The following RCN2 variants were observed in gnomAD, a reference collection of about 807,000 sequenced individuals.
RCN2 encodes reticulocalbin 2, also known as reticulocalbin-2.
RCN2 carries 23 observed loss-of-function variants against 37.5 expected under a neutral mutation model. The ratio of observed to expected loss-of-function variants is 0.61; its 90% CI spans 0.44 to 0.87. RCN2 has a LOEUF of 0.87. RCN2 is among the 40% of genes least tolerant of loss of function. The pLI is 0.00. For synonymous variants in RCN2, 140 were observed against 144.6 expected (o/e 0.97, Z 0.23); for missense variants, 381 against 390.4 (o/e 0.98, Z 0.20).
At chr15:76,941,854 G>GAA (rs2152650798) in intron 3 of RCN2, 1 of 432,788 alleles carries the variant, frequency 2.3e-6, no homozygotes, top group Non-Finnish European at 4.1e-6. Context: ...CCTGAAACAT[G>GAA]GACCTTTTTG....
rs2075331064 is a variant in RCN2 at position 76,953,554 on chromosome 15, TC to T, written c.*4333del. On this transcript the variant is annotated 3_prime_UTR_variant, in exon 7 of 7. Coordinates refer to ENST00000394885, the MANE Select transcript of RCN2 (RefSeq NM_002902.3). Reference sequence around the variant, plus strand: ...TGGGATTGCTGGATCATATAGTAATTCTATATATATATATATATATATATAT... The same window carrying T: ...TGGGATTGCTGGATCATATAGTAATTTATATATATATATATATATATATAT... 1.7e-5 allele frequency: 1 copy of T among 60,560 alleles called. No homozygotes were observed. Among genetic ancestry groups the T allele is most frequent in the Non-Finnish European group, 3.0e-5 (1 of 33,064 alleles). 3.8% of individuals were successfully genotyped at this position (60,560 alleles called of 1,614,324 possible). A position where few individuals can be genotyped will look rare whatever the true frequency, so the allele number is the denominator to read the frequency against.
intron 3 of RCN2, chr15:76,938,650 A>C (rs2075263342): frequency 2.3e-6 from 1 of 434,138 alleles, no homozygotes; most frequent in African/African-American, 2.0e-5. Flanking sequence ...CTATTTATTT[A>C]GAATCATATT....
In RCN2 at chr15:76,932,390, C is replaced by A; in HGVS notation, c.174C>A (p.Gly58=). The A allele has an allele frequency of 6.2e-7, 1 of 1,613,732 alleles. No homozygotes were observed. Among genetic ancestry groups the A allele is most frequent in the Non-Finnish European group, 8.5e-7 (1 of 1,179,752 alleles). ...ATGTGGATGAATATGTTAAACTCGGCCACGAAGAGCAGCAAAAAAGACTGC... is the reference window on the plus strand; with the variant it reads ...ATGTGGATGAATATGTTAAACTCGGACACGAAGAGCAGCAAAAAAGACTGC... ...QEDVDEYVKL[G]HEEQQKRLQA... Residue 58 remains glycine (G), a synonymous_variant, in exon 2 of 7, where the codon GGC becomes GGA. Transcript: ENST00000394885.
intron 4 of RCN2, among the ~76,000 whole-genome samples, chr15:76,946,798 C>G (rs893507649): frequency 2.6e-5 from 4 of 151,954 alleles, no homozygotes; most frequent in Admixed American, 6.6e-5. Context: ...ACTGAAACAG[C>G]TGGCCATTGA....
In RCN2 at chr15:76,948,480, C is replaced by T. The variant is rs144470086; in HGVS notation, c.729C>T (p.Asn243=). ...DRFVNDYDKD[N]DGRLDPQELL... ...TCGTGAATGATTATGACAAAGATAACGATGGCAGGCTTGATCCCCAAGAGC... is the reference window on the plus strand; with the variant it reads ...TCGTGAATGATTATGACAAAGATAATGATGGCAGGCTTGATCCCCAAGAGC... The change falls in exon 6 of 7, where the codon AAC becomes AAT. Residue 243 remains asparagine (N), a synonymous_variant. Transcript: ENST00000394885. 31 of 1,609,202 alleles carry T rather than the reference C, an allele frequency of 1.9e-5. No homozygotes were observed. Among genetic ancestry groups the T allele is most frequent in the African/African-American group, 2.7e-5 (2 of 74,782 alleles).
chr15:76,932,976 A>C (rs955852958), intron 2 of RCN2, among the ~76,000 whole-genome samples: 1 of 152,196 alleles, frequency 6.6e-6, no homozygotes, highest in Non-Finnish European at 1.5e-5. Context: ...GTAGAGATGA[A>C]GAAATGAAGC....
intron 4 of RCN2, among the ~76,000 whole-genome samples, chr15:76,945,750 C>G (rs986009503): frequency 2.6e-5 from 4 of 152,232 alleles, no homozygotes; most frequent in African/African-American, 9.6e-5. Context: ...ACCCTGCTGC[C>G]TTGCATAACA....
At position 76,953,594 on chromosome 15, in the gene RCN2, T is replaced by TATATATATATATATA. The variant is rs1212518050; in HGVS notation, c.*4372_*4373insATATATATATATATA. 3 of 8,494 alleles carry TATATATATATATATA rather than the reference T, an allele frequency of 3.5e-4. No individual in the cohort carries two copies. The highest frequency in any genetic ancestry group is 6.8e-4 in the Non-Finnish European group (3 of 4,392). 0.5% of individuals were successfully genotyped at this position (8,494 alleles called of 1,614,324 possible). A position where few individuals can be genotyped will look rare whatever the true frequency, so the allele number is the denominator to read the frequency against. ...ATATATATATATATATATATATATA[T>TATATATATATATATA]TTTTTTTTTTTTTTTTTTTTTTTTT... On this transcript the variant is annotated 3_prime_UTR_variant, in exon 7 of 7. Coordinates refer to ENST00000394885, the MANE Select transcript of RCN2 (RefSeq NM_002902.3).
At chr15:76,945,715 C>T (rs1324252352) in intron 4 of RCN2, among the ~76,000 whole-genome samples, 1 of 152,242 alleles carries the variant, frequency 6.6e-6, no homozygotes, top group East Asian at 1.9e-4. Flanking sequence ...GAAGATATAT[C>T]TTTTTGTTTA....
chr15:76,932,329 T>A, intron 1 of RCN2, 32 bp from the exon 2 acceptor site: 3 of 1,532,966 alleles, frequency 2.0e-6, no homozygotes, highest in Non-Finnish European at 2.7e-6. Flanking sequence ...ATAGTAATGC[T>A]TGGCCCTCCT....
At chr15:76,943,176 G>T (rs1212801033) in intron 3 of RCN2, 2 of 152,352 alleles carry the variant, frequency 1.3e-5, no homozygotes, top group Non-Finnish European at 2.9e-5. Flanking sequence ...AGACAGTATA[G>T]TACTGTAGAA....
At chr15:76,947,106 C>T (rs935488402) in intron 4 of RCN2, among the ~76,000 whole-genome samples, 4 of 152,080 alleles carry the variant, frequency 2.6e-5, no homozygotes, top group East Asian at 3.9e-4. Context: ...ATGAGAGTAA[C>T]GCTGAGGTTG....
At chr15:76,943,623 A>G (rs1397882651) in intron 3 of RCN2, 135 bp from the exon 4 acceptor site, 2 of 575,690 alleles carry the variant, frequency 3.5e-6, no homozygotes. Context: ...GTATTTGTGT[A>G]GCTTACCTTC....
At position 76,948,415 on chromosome 15, in the gene RCN2, A is replaced by G. The variant is rs1237102506; in HGVS notation, c.664A>G (p.Asn222Asp). The G allele has an allele frequency of 1.9e-6, 3 of 1,589,224 alleles. No individual in the cohort carries two copies. Among genetic ancestry groups the G allele is most frequent in the Admixed American group, 3.5e-5 (2 of 56,680 alleles). ...LGDYRWDPTANEDPEWILVEK... is the reference protein window; with the variant it reads ...LGDYRWDPTADEDPEWILVEK... The stretch of plus-strand genomic sequence containing the variant: ...TTGTGTTTTTTTATATTAAGCTGCA[A>G]ATGAAGATCCAGAATGGATACTTGT... Residue 222 changes from asparagine to aspartate, a missense_variant, in exon 6 of 7, where the codon AAT (asparagine) becomes GAT (aspartate). Asn to Asp is a conservative substitution (Grantham distance 23). Transcript: ENST00000394885.
chr15:76,932,989 A>C (rs1158099882), intron 2 of RCN2, among the ~76,000 whole-genome samples: 1 of 152,210 alleles, frequency 6.6e-6, no homozygotes, highest in Non-Finnish European at 1.5e-5. Context: ...AATGAAGCAC[A>C]GGGATAAGTG....
intron 5 of RCN2, 162 bp from the exon 6 acceptor site, chr15:76,948,248 A>G (rs2075304265): frequency 4.4e-6 from 2 of 449,778 alleles, no homozygotes; most frequent in African/African-American, 4.0e-5. Flanking sequence ...ATGACTATAT[A>G]TTTGTTCTTA....
At position 76,931,939 on chromosome 15, in the gene RCN2, G is replaced by A. The variant is rs1419361451; in HGVS notation, c.98G>A (p.Gly33Asp). ...GCCGAGGAGCTGCACTACCCGCTGG[G>A]CGAGCGCCGCAGCGACTACGACCGC... ...GKAEELHYPLGERRSDYDREA... is the reference protein window; with the variant it reads ...GKAEELHYPLDERRSDYDREA... Residue 33 changes from glycine (G) to aspartate (D), a missense_variant, in exon 1 of 7, where the codon GGC becomes GAC. Physicochemically the swap from Gly to Asp is moderately conservative, Grantham distance 94 (BLOSUM62 -1). Transcript: ENST00000394885. 6 of 1,299,930 alleles carry A rather than the reference G, an allele frequency of 4.6e-6. No individual in the cohort carries two copies. In the South Asian group the frequency reaches 8.9e-5, roughly 19 times the overall value. The allele number at this position is 1,299,930 out of a possible 1,614,324, so 80.5% of individuals were successfully genotyped here. A position where few individuals can be genotyped will look rare whatever the true frequency, so the allele number is the denominator to read the frequency against.
At chr15:76,940,695 C>T (rs193088201) in intron 3 of RCN2, among the ~76,000 whole-genome samples, 16 of 151,396 alleles carry the variant, frequency 1.1e-4, no homozygotes, top group African/African-American at 1.7e-4. Context: ...ACTATAGGCA[C>T]GTGCCACCAT....
At chr15:76,940,110 T>A (rs1170973700) in intron 3 of RCN2, among the ~76,000 whole-genome samples, 3 of 114,504 alleles carry the variant, frequency 2.6e-5, no homozygotes, top group African/African-American at 1.0e-4. Context: ...CTTTTGGTTA[T>A]TTTTTTTTTT....
Sources: gnomAD v4.1 joint callset for allele counts (sites outside exome capture counted in the v4.1 genomes callset) on GRCh38, gnomAD v4.1.1 for gene constraint, MANE v1.5 for transcripts, NCBI Gene and HGNC (gene_info 2026-07-23, HGNC 2026-07-21) for gene names.